The following CREB5 variants were observed in gnomAD, a reference collection of about 807,000 sequenced individuals.
CREB5 encodes the protein cAMP responsive element binding protein 5.
CREB5 carries 19 observed loss-of-function variants against 57.1 expected under a neutral mutation model. That is an observed-to-expected ratio of 0.33 (90% CI 0.23 to 0.49). The LOEUF (loss-of-function observed/expected upper bound fraction) is 0.49, where lower values mean the gene tolerates loss of function less well. CREB5 is among the 20% of genes least tolerant of loss of function. The pLI, the probability that CREB5 is intolerant of heterozygous loss-of-function variation, is 0.99. For synonymous variants in CREB5, 238 were observed against 238.3 expected (o/e 1.00, Z 0.01); for missense variants, 579 against 671.6 (o/e 0.86, Z 1.52).
At chr7:28,775,543 C>CAGATATATATATATATATATAT (rs1806570958) in intron 7 of CREB5, among the ~76,000 whole-genome samples, 1 of 120,632 alleles carries the variant, frequency 8.3e-6, no homozygotes. Context: ...ATTCCTTAGC[C>CAGATATATATATATATATATAT]ATATATATAT....
At chr7:28,796,286 C>T (rs780484998) in intron 7 of CREB5, among the ~76,000 whole-genome samples, 19 of 152,306 alleles carry the variant, frequency 1.2e-4, no homozygotes, top group Admixed American at 2.6e-4. Context: ...TCATACAAAA[C>T]ATGACCTTTT....
rs564037352 is a variant in CREB5, at chr7:28,560,807, C to T, written c.292-9558C>T. 2.2e-3 allele frequency among the ~76,000 whole-genome samples: 33 copies of T among 15,106 alleles called. 4 individuals are homozygous for T. The highest frequency in any genetic ancestry group is 5.0e-3 in the African/African-American group (31 of 6,158). The allele number at this position is 15,106 out of a possible 152,430, so 9.9% of individuals were successfully genotyped here. A position where few individuals can be genotyped will look rare whatever the true frequency, so the allele number is the denominator to read the frequency against. ...TTTCTCTGCTTCCACAGTGTGTGTG[C>T]GCGTGTGTGTGTGTGCGCGCGCGCG... On this transcript the variant is annotated intron_variant, in intron 4 of 10. Coordinates refer to ENST00000357727, the MANE Select transcript of CREB5 (RefSeq NM_182898.4).
chr7:28,696,790 A>G (rs1801590025), intron 5 of CREB5, among the ~76,000 whole-genome samples: 1 of 147,940 alleles, frequency 6.8e-6, no homozygotes, highest in Non-Finnish European at 1.5e-5. Flanking sequence ...ACACATACGT[A>G]TACGTATACG....
intron 1 of CREB5, among the ~76,000 whole-genome samples, chr7:28,375,603 G>GAA (rs200904725): frequency 5.1e-5 from 7 of 137,144 alleles, no homozygotes; most frequent in African/African-American, 2.0e-4. Flanking sequence ...AAGAAAAAAG[G>GAA]AAAAAAAAAC....
chr7:28,387,339 CT>C (rs1372805131), intron 1 of CREB5, among the ~76,000 whole-genome samples: 1 of 151,992 alleles, frequency 6.6e-6, no homozygotes, highest in African/African-American at 2.4e-5. Context: ...TGATGTTGAG[CT>C]TTTTTTCATG....
chr7:28,627,197 G>A (rs1332105418), intron 5 of CREB5, among the ~76,000 whole-genome samples: 1 of 152,166 alleles, frequency 6.6e-6, no homozygotes, highest in African/African-American at 2.4e-5. Flanking sequence ...GTTCCAAAAT[G>A]TCTATCACAG....
chr7:28,739,348 G>A (rs1009039763), intron 7 of CREB5, among the ~76,000 whole-genome samples: 1 of 152,206 alleles, frequency 6.6e-6, no homozygotes, highest in Admixed American at 6.5e-5. Context: ...CATCGTGTCT[G>A]TTCAGTAGCG....
upstream of CREB5, among the ~76,000 whole-genome samples, chr7:28,409,033 C>T (rs1583426459): frequency 6.6e-6 from 1 of 152,080 alleles, no homozygotes; most frequent in Admixed American, 6.5e-5. This position sits in a 1 kb window ranked among gnomAD's most constrained non-coding sequence, Gnocchi z 4.4. Flanking sequence ...GCGCCTCCTC[C>T]GTGGTCTTGT....
chr7:28,385,808 A>G (rs907040684), intron 1 of CREB5, among the ~76,000 whole-genome samples: 2 of 152,194 alleles, frequency 1.3e-5, no homozygotes, highest in African/African-American at 4.8e-5. Context: ...TGTTAGCACC[A>G]CATGGTTTCT....
In CREB5 at chr7:28,809,421, C is replaced by T; in HGVS notation, c.1254+7C>T. ...GACAAACATGCAGCTTCAGGTGCAG[C>T]CCACGGTGTCTTTCCCCGCGACTCA... On this transcript the variant is annotated splice_region_variant and intron_variant, in intron 9 of 10. Coordinates refer to ENST00000357727, the MANE Select transcript of CREB5 (RefSeq NM_182898.4). The T allele has an allele frequency of 6.3e-7, 1 of 1,598,884 alleles. No individual in the cohort carries two copies. Among genetic ancestry groups the T allele is most frequent in the Non-Finnish European group, 8.5e-7 (1 of 1,171,572 alleles).
intron 4 of CREB5, among the ~76,000 whole-genome samples, chr7:28,530,603 T>C (rs1160180308): frequency 1.3e-5 from 2 of 152,206 alleles, no homozygotes; most frequent in South Asian, 4.1e-4. Context: ...GCTGCGATTA[T>C]CATATAAAAG....
At chr7:28,458,168 C>T (rs944147153) in intron 1 of CREB5, among the ~76,000 whole-genome samples, 1 of 152,184 alleles carries the variant, frequency 6.6e-6, no homozygotes, top group Non-Finnish European at 1.5e-5. Flanking sequence ...AGGCCTGAGA[C>T]TGTGTCTTAC....
chr7:28,390,967 T>C (rs144960476), intron 1 of CREB5, among the ~76,000 whole-genome samples: 5 of 152,076 alleles, frequency 3.3e-5, no homozygotes, highest in Middle Eastern at 3.4e-3. Context: ...AATATATGTA[T>C]AGCACTTTCC....
At chr7:28,316,528 G>C (rs891278439) in intron 1 of CREB5, among the ~76,000 whole-genome samples, 1 of 152,134 alleles carries the variant, frequency 6.6e-6, no homozygotes. Flanking sequence ...TTAGGAGTCA[G>C]TGAATGCTGC....
At chr7:28,683,250 G>A (rs1473196684) in intron 5 of CREB5, among the ~76,000 whole-genome samples, 1 of 152,112 alleles carries the variant, frequency 6.6e-6, no homozygotes, top group East Asian at 1.9e-4. Context: ...TTCTTTTTGG[G>A]AACAGGATCT....
chr7:28,534,235 G>A (rs1011009117), intron 4 of CREB5, among the ~76,000 whole-genome samples: 4 of 152,236 alleles, frequency 2.6e-5, no homozygotes, highest in Admixed American at 2.6e-4. Flanking sequence ...TTGGAGTGCA[G>A]TCTTTCAGAG....
chr7:28,638,923 A>G (rs1018989410), intron 5 of CREB5, among the ~76,000 whole-genome samples: 4 of 152,208 alleles, frequency 2.6e-5, no homozygotes, highest in Admixed American at 2.0e-4. Context: ...TGAAATGTCT[A>G]TATTCATTTC....
chr7:28,722,799 A>G lies in CREB5; in HGVS notation c.592-1423A>G, dbSNP rs143967412. Among the ~76,000 whole-genome samples, 765 of 152,354 alleles carry G rather than the reference A, an allele frequency of 5.0e-3. 4 individuals carry two copies. Among genetic ancestry groups the G allele is most frequent in the Middle Eastern group, 0.014 (4 of 294 alleles). On this transcript the variant is annotated intron_variant, in intron 6 of 10. Transcript: ENST00000357727. ...ATGACTGATCAGCTCATTCAGGCTA[A>G]GGTAAGACTGATGGCTCTTAACTGT... is the stretch of plus-strand genomic sequence containing the variant.
chr7:28,518,986 T>G (rs1793092679), intron 4 of CREB5, among the ~76,000 whole-genome samples: 1 of 152,220 alleles, frequency 6.6e-6, no homozygotes, highest in South Asian at 2.1e-4. Flanking sequence ...GAATTGACAT[T>G]AAAACTGGTT....
Sources: allele counts gnomAD v4.1 joint callset (sites outside exome capture counted in the v4.1 genomes callset), GRCh38; gene constraint gnomAD v4.1.1; non-coding constraint Gnocchi (gnomAD v3.1); transcripts MANE v1.5; gene names NCBI Gene and HGNC (gene_info 2026-07-23, HGNC 2026-07-21).